Variants in LILRB4 observed in about 807,000 individuals in gnomAD.
LILRB4 encodes leukocyte immunoglobulin-like receptor subfamily B member 4.
LILRB4 carries 49 observed loss-of-function variants against 55.2 expected under a neutral mutation model. That is an observed-to-expected ratio of 0.89 (90% CI 0.71 to 1.13). The LOEUF (loss-of-function observed/expected upper bound fraction) is 1.13, where lower values mean the gene tolerates loss of function less well. LILRB4 is among the 50% of genes most tolerant of loss of function. The pLI is 0.00. For missense variants in LILRB4, 590 were observed against 555.2 expected, an observed-to-expected ratio of 1.06 and a Z score of -0.63; for synonymous variants, 229 against 213.8, an observed-to-expected ratio of 1.07 and a Z score of -0.62.
At chr19:54,668,187 A>C in exon 12 of LILRB4, 1 of 676,306 alleles carries the variant, frequency 1.5e-6, no homozygotes, top group Non-Finnish European at 2.5e-6. Flanking sequence ...AAGATAAATA[A>C]TATCCCTGCA....
chr19:54,668,085 T>C, exon 12 of LILRB4: 2 of 1,588,406 alleles, frequency 1.3e-6, no homozygotes, highest in Middle Eastern at 3.4e-4. Context: ...GGAAGCTGCC[T>C]CCAGTAGACA....
chr19:54,666,309 A>G lies in LILRB4; in HGVS notation c.944A>G (p.Gln315Arg). 6.2e-7 allele frequency: 1 copy of G among 1,609,930 alleles called. No individual in the cohort carries two copies. The highest frequency in any genetic ancestry group is 2.2e-5 in the East Asian group (1 of 44,814). ...CCAGAGCCCAAGGACGGGGGCCTAC[A>G]GAGGAGGTAATTCTGCCCAAAGACC... Residue 315 changes from glutamine to arginine, a missense_variant, in exon 8 of 12, where the codon CAG (glutamine) becomes CGG (arginine). Gln to Arg is a conservative substitution (Grantham distance 43, BLOSUM62 1). Coordinates refer to ENST00000430952, the Ensembl canonical transcript of LILRB4. The surrounding 1 kb of genome is among the most constrained non-coding windows in gnomAD (Gnocchi z 4.8).
chr19:54,664,590 G>A (rs540070570), intron 4 of LILRB4, 105 bp downstream of exon 4: 749 of 1,276,576 alleles, frequency 5.9e-4, no homozygotes, highest in Admixed American at 6.9e-4. Flanking sequence ...CAGCCAGTGG[G>A]GGACTCAGCC....
chr19:54,667,141 G>T (rs756898049), intron 10 of LILRB4: 1 of 577,250 alleles, frequency 1.7e-6, no homozygotes, highest in African/African-American at 1.8e-5. Context: ...GAGCAAAGCC[G>T]CCCCCGCCTC....
rs140323988 is a variant in LILRB4 at position 54,665,827 on chromosome 19, A to T, written c.770A>T (p.His257Leu). The T allele has an allele frequency of 5.6e-6, 9 of 1,608,544 alleles. No homozygotes were observed. The African/African-American group carries it at 1.1e-4, about 19-fold the overall frequency. ...CATCACGCCCAAGGTCTGAGAAGGC[A>T]CTGGGAGGTACTGATCGGGGTCTTG... Residue 257 changes from histidine to leucine, a missense_variant, in exon 7 of 12, where the codon CAC becomes CTC. His to Leu is a moderately conservative substitution (Grantham distance 99). Transcript: ENST00000430952. This position sits in a 1 kb window ranked among gnomAD's most constrained non-coding sequence, Gnocchi z 5.5.
At chr19:54,663,012 G>A (rs1443736255) in exon 1 of LILRB4, 1 of 1,614,010 alleles carries the variant, frequency 6.2e-7, no homozygotes, top group African/African-American at 1.3e-5. Context: ...CTGCACAGCT[G>A]GGGCCCCTGG....
Position 54,666,468 on chromosome 19 carries a change from G to T in LILRB4, c.988+32G>T, listed in dbSNP as rs546775602. 6.2e-7 allele frequency: 1 copy of T among 1,612,630 alleles called. No individual in the cohort carries two copies. Among genetic ancestry groups the T allele is most frequent in the South Asian group, 1.1e-5 (1 of 90,912 alleles). ...GAGAGGCAGAGAAGGTGCACCTGGG[G>T]TGGAGCTGGGGGTCCCAAAATTTCA... On this transcript the variant is annotated intron_variant, in intron 9 of 11. Coordinates refer to ENST00000430952, the Ensembl canonical transcript of LILRB4. The surrounding 1 kb of genome is among the most constrained non-coding windows in gnomAD (Gnocchi z 4.8).
chr19:54,667,377 G>T, intron 10 of LILRB4: 2 of 664,114 alleles, frequency 3.0e-6, no homozygotes, highest in Non-Finnish European at 5.1e-6. Flanking sequence ...AGAGGAAACA[G>T]CCGTGCAAAG....
exon 12 of LILRB4, chr19:54,668,306 C>A: frequency 2.7e-6 from 1 of 375,776 alleles, no homozygotes; most frequent in East Asian, 4.2e-5. Flanking sequence ...TATTACACAT[C>A]AAACCAATGA....
At chr19:54,668,496 A>G (rs536464904), downstream of LILRB4, 1 of 164,372 alleles carries the variant, frequency 6.1e-6, no homozygotes, top group Non-Finnish European at 1.3e-5. Context: ...AGGCAGCACT[A>G]CAGACCCTAC....
chr19:54,666,521 A>G lies in LILRB4; in HGVS notation c.988+85A>G, dbSNP rs181815893. The G allele has an allele frequency of 1.3e-6, 2 of 1,529,630 alleles. No homozygotes were observed. The highest frequency in any genetic ancestry group is 1.8e-6 in the Non-Finnish European group (2 of 1,111,802). 94.8% of individuals were successfully genotyped at this position (1,529,630 alleles called of 1,614,324 possible). A position where few individuals can be genotyped will look rare whatever the true frequency, so the allele number is the denominator to read the frequency against. On this transcript the variant is annotated intron_variant, in intron 9 of 11. Transcript: ENST00000430952. The surrounding 1 kb of genome is among the most constrained non-coding windows in gnomAD (Gnocchi z 4.8). The stretch of plus-strand genomic sequence containing the variant: ...AGCAATGGGGGCAGGAGCACAGGCT[A>G]GGATTGGTCAGGGACTCAGGGAGAA...
At position 54,666,750 on chromosome 19, in the gene LILRB4, G is replaced by T. The variant is rs199892280; in HGVS notation, c.1041+1G>T. ...GGACGGGGTGGAAATGGACACTCGG[G>T]TGAGAACCCGCCCCTGTCCCCGGCA... On this transcript the variant is annotated splice_donor_variant, in intron 10 of 11. Coordinates refer to ENST00000430952, the Ensembl canonical transcript of LILRB4. LOFTEE classifies it high-confidence loss of function. This position sits in a 1 kb window ranked among gnomAD's most constrained non-coding sequence, Gnocchi z 4.8. 23 of 1,614,062 alleles carry T rather than the reference G, an allele frequency of 1.4e-5. No individual in the cohort carries two copies. In the East Asian group the frequency reaches 4.2e-4, roughly 30 times the overall value.
At position 54,665,703 on chromosome 19, in the gene LILRB4, C is replaced by T; in HGVS notation, c.758-112C>T. On this transcript the variant is annotated intron_variant, in intron 6 of 11. Transcript: ENST00000430952. The surrounding 1 kb of genome is among the most constrained non-coding windows in gnomAD (Gnocchi z 5.5). The stretch of plus-strand genomic sequence containing the variant: ...GTGGCAATCTCAGGTTGCACAACTG[C>T]TGTGAGGGTTGGAGGTAATGAAAGA... 1.6e-6 allele frequency: 2 copies of T among 1,268,740 alleles called. No individual in the cohort carries two copies. The highest frequency in any genetic ancestry group is 2.2e-6 in the Non-Finnish European group (2 of 890,228). 78.6% of individuals were successfully genotyped at this position (1,268,740 alleles called of 1,614,324 possible).
At position 54,666,621 on chromosome 19, in the gene LILRB4, C is replaced by A. The variant is rs2065277145; in HGVS notation, c.989-76C>A. ...TGCGTTGCAGTGGCACTAATGGGAA[C>A]AGGGCAGGGACCAGCAGGAATGAGA... is the stretch of plus-strand genomic sequence containing the variant. On this transcript the variant is annotated intron_variant, in intron 9 of 11. Transcript: ENST00000430952. The surrounding 1 kb of genome is among the most constrained non-coding windows in gnomAD (Gnocchi z 4.8). 3.3e-6 allele frequency: 5 copies of A among 1,527,090 alleles called. No homozygotes were observed. The highest frequency in any genetic ancestry group is 1.2e-5 in the South Asian group (1 of 85,324). The allele number at this position is 1,527,090 out of a possible 1,614,324, so 94.6% of individuals were successfully genotyped here.
At position 54,665,180 on chromosome 19, in the gene LILRB4, G is replaced by A. The variant is rs762906613; in HGVS notation, c.757G>A (p.Gly253Ser). 5 of 1,597,534 alleles carry A rather than the reference G, an allele frequency of 3.1e-6. No individual in the cohort carries two copies. Among genetic ancestry groups the A allele is most frequent in the East Asian group, 2.3e-5 (1 of 43,914 alleles). Reference sequence around the variant, plus strand: ...GCCTACAGGGTCAGTCCCCCACAGTGGTGAGTGAGGGGCTCTGAGTGGGAG... The same window carrying A: ...GCCTACAGGGTCAGTCCCCCACAGTAGTGAGTGAGGGGCTCTGAGTGGGAG... Residue 253 changes from glycine to serine, a missense_variant and splice_region_variant, in exon 6 of 12, where the codon GGT becomes AGT. Physicochemically the swap from Gly to Ser is moderately conservative, Grantham distance 56. Transcript: ENST00000430952. The surrounding 1 kb of genome is among the most constrained non-coding windows in gnomAD (Gnocchi z 5.5).
In LILRB4 at chr19:54,666,380, C is replaced by G. The variant is rs377258029; in HGVS notation, c.951-19C>G. ...ACAGCCACCTCACTGTCCCCTTACA[C>G]TCCCGTATCCTCCCCCAGGTCCAGC... is the stretch of plus-strand genomic sequence containing the variant. On this transcript the variant is annotated intron_variant, in intron 8 of 11. Coordinates refer to ENST00000430952, the Ensembl canonical transcript of LILRB4. The surrounding 1 kb of genome is among the most constrained non-coding windows in gnomAD (Gnocchi z 4.8). 2.0e-5 allele frequency: 33 copies of G among 1,613,608 alleles called. No individual in the cohort carries two copies. The African/African-American group carries it at 3.5e-4, about 17-fold the overall frequency.
chr19:54,663,078 A>C lies in LILRB4; in HGVS notation c.34+11A>C. 9 of 1,611,448 alleles carry C rather than the reference A, an allele frequency of 5.6e-6. No individual in the cohort carries two copies. The highest frequency in any genetic ancestry group is 7.6e-6 in the Non-Finnish European group (9 of 1,178,432). ...CTCTGCTCTGCCTCGGTGAGATTTA[A>C]AGAGGGGGAGGGGAGACCCGAGTCT... On this transcript the variant is annotated intron_variant, in intron 1 of 11. Transcript: ENST00000430952.
Position 54,665,066 on chromosome 19 carries a change from G to C in LILRB4, c.707-64G>C, listed in dbSNP as rs745966711. Reference sequence around the variant, plus strand: ...GTCAAGGCTGAAGGAGATGTTGCGGGGAGAAGCCGAGCTGATGTGGGGAGC... The same window carrying C: ...GTCAAGGCTGAAGGAGATGTTGCGGCGAGAAGCCGAGCTGATGTGGGGAGC... On this transcript the variant is annotated intron_variant, in intron 5 of 11. Transcript: ENST00000430952. The surrounding 1 kb of genome is among the most constrained non-coding windows in gnomAD (Gnocchi z 5.5). 111 of 1,588,892 alleles carry C rather than the reference G, an allele frequency of 7.0e-5. No homozygotes were observed. The highest frequency in any genetic ancestry group is 9.3e-5 in the Non-Finnish European group (108 of 1,159,440).
At chr19:54,667,413 C>T (rs2065332725) in intron 10 of LILRB4, 5 of 955,664 alleles carry the variant, frequency 5.2e-6, no homozygotes, top group Admixed American at 5.8e-5. Context: ...CGAGCTCTTG[C>T]AGGAAGGCCG....
Sources: gnomAD v4.1 joint callset for allele counts on GRCh38, gnomAD v4.1.1 for gene constraint, Gnocchi (gnomAD v3.1) non-coding constraint, MANE v1.5 for transcripts, NCBI Gene and HGNC (gene_info 2026-07-23, HGNC 2026-07-21) for gene names.